The following SEMA3D variants were observed in gnomAD, a reference collection of about 807,000 sequenced individuals.
SEMA3D encodes the protein semaphorin-3D.
In SEMA3D, 84 loss-of-function variants were observed where a neutral mutation model predicts 100.1. The ratio of observed to expected loss-of-function variants is 0.84; its 90% CI spans 0.70 to 1.01. The LOEUF is 1.01. Among genes scored for constraint, SEMA3D ranks in the 50% least tolerant of loss-of-function variants. The probability of loss-of-function intolerance (pLI) is 0.00; values close to 1 mark genes in which losing one functional copy is unlikely to be tolerated. For missense variants in SEMA3D, 875 were observed against 934.1 expected (o/e 0.94, Z 0.82); for synonymous variants, 312 against 320.7 (o/e 0.97, Z 0.29).
intron 12 of SEMA3D, among the ~76,000 whole-genome samples, chr7:85,033,858 T>TACACACACAC (rs71082183): frequency 0.034 from 4,799 of 141,122 alleles, 200 homozygotes; most frequent in East Asian, 0.19. Flanking sequence ...ATCACACACA[T>TACACACACAC]ACACACACAC....
chr7:85,240,415 T>C, the SEMA3D span, among the ~76,000 whole-genome samples: 2 of 152,280 alleles, frequency 1.3e-5, no homozygotes, highest in East Asian at 1.9e-4. Flanking sequence ...ATTTTGTTGA[T>C]GATTTTTGCA....
intron 2 of SEMA3D, among the ~76,000 whole-genome samples, chr7:85,128,452 A>T (rs1172333365): frequency 1.3e-5 from 2 of 152,114 alleles, no homozygotes; most frequent in Non-Finnish European, 2.9e-5. Context: ...TACAGGCATC[A>T]GCCACTGCAC....
intron 3 of SEMA3D, among the ~76,000 whole-genome samples, chr7:85,102,869 T>G (rs867904861): frequency 2.6e-5 from 4 of 152,042 alleles, no homozygotes; most frequent in African/African-American, 9.7e-5. Context: ...ACCAATTCTA[T>G]GGGGTTTAGT....
At chr7:85,200,063 T>C in the SEMA3D span, among the ~76,000 whole-genome samples, 8 of 152,204 alleles carry the variant, frequency 5.3e-5, no homozygotes, top group Non-Finnish European at 1.2e-4. Context: ...TGGAACTGTA[T>C]GTCCATTAAA....
At chr7:85,227,503 C>T in the SEMA3D span, among the ~76,000 whole-genome samples, 1 of 152,096 alleles carries the variant, frequency 6.6e-6, no homozygotes, top group Non-Finnish European at 1.5e-5. Flanking sequence ...GTTGAATATG[C>T]CAGTACCTTA....
upstream of SEMA3D, among the ~76,000 whole-genome samples, chr7:85,187,336 T>C (rs534269655): frequency 8.1e-4 from 124 of 152,242 alleles, no homozygotes; most frequent in African/African-American, 2.9e-3. Context: ...CTCTATACCA[T>C]AAAACCTGTT....
At chr7:85,007,048 T>C in intron 17 of SEMA3D, 107 bp from the exon 18 acceptor site, 1 of 699,530 alleles carries the variant, frequency 1.4e-6, no homozygotes, top group Non-Finnish European at 2.2e-6. Context: ...TCATATACAT[T>C]ATTAAAGAGA....
At chr7:85,151,187 A>T (rs571034034) in intron 2 of SEMA3D, among the ~76,000 whole-genome samples, 57 of 152,102 alleles carry the variant, frequency 3.7e-4, no homozygotes, top group African/African-American at 1.3e-3. Flanking sequence ...TATGTAAAAA[A>T]AATTGCTGCA....
intron 11 of SEMA3D, among the ~76,000 whole-genome samples, chr7:85,040,392 A>G (rs546310942): frequency 6.6e-6 from 1 of 152,270 alleles, no homozygotes; most frequent in African/African-American, 2.4e-5. Flanking sequence ...TATATGCAAC[A>G]GTAGGCATTT....
upstream of SEMA3D, among the ~76,000 whole-genome samples, chr7:85,189,503 T>C (rs560336247): frequency 2.0e-5 from 3 of 152,302 alleles, no homozygotes; most frequent in Non-Finnish European, 4.4e-5. Context: ...AAAGTTTTGC[T>C]AAAATACAAG....
intron 2 of SEMA3D, chr7:85,142,261 C>G: frequency 1.0e-6 from 1 of 981,520 alleles, no homozygotes; most frequent in Non-Finnish European, 1.2e-6. Context: ...AATTTTTGAA[C>G]CAACAATATC....
At chr7:85,139,520 T>C (rs1364352672) in intron 2 of SEMA3D, among the ~76,000 whole-genome samples, 2 of 152,022 alleles carry the variant, frequency 1.3e-5, no homozygotes, top group Non-Finnish European at 2.9e-5. Context: ...ATTTCTGTCT[T>C]TTTCACAAAG....
rs185494351 is a variant in SEMA3D, at chr7:85,044,255, T to C, written c.862-1970A>G. On this transcript the variant is annotated intron_variant, in intron 9 of 18. Coordinates refer to ENST00000284136, the MANE Select transcript of SEMA3D (RefSeq NM_001384900.1). ...ATTTGAAATCTTATAAATACTATGC[T>C]TGAAGAAAGGGGGAAGGGGAGAAAG... Among the ~76,000 whole-genome samples, 289 of 152,004 alleles carry C rather than the reference T, an allele frequency of 1.9e-3. 2 individuals are homozygous for C. The highest frequency in any genetic ancestry group is 6.7e-3 in the African/African-American group (279 of 41,512).
At chr7:85,231,370 C>T in the SEMA3D span, among the ~76,000 whole-genome samples, 2 of 151,564 alleles carry the variant, frequency 1.3e-5, no homozygotes, top group South Asian at 4.2e-4. Flanking sequence ...TAGAAAGCAT[C>T]CAAGTGTTGA....
chr7:85,183,399 G>T (rs556289693), intron 1 of SEMA3D, among the ~76,000 whole-genome samples: 1 of 152,286 alleles, frequency 6.6e-6, no homozygotes, highest in East Asian at 1.9e-4. Context: ...AGAAAAATAT[G>T]TGAGAGTAAA....
At chr7:85,072,706 C>T (rs1263071505) in intron 6 of SEMA3D, among the ~76,000 whole-genome samples, 1 of 152,130 alleles carries the variant, frequency 6.6e-6, no homozygotes, top group Non-Finnish European at 1.5e-5. Flanking sequence ...CTATATCGTT[C>T]ATAAACTATT....
the SEMA3D span, among the ~76,000 whole-genome samples, chr7:85,219,578 T>C: frequency 2.4e-4 from 36 of 152,020 alleles, no homozygotes; most frequent in Non-Finnish European, 4.9e-4. Context: ...ATAACATCTA[T>C]TTTAAAATAA....
intron 3 of SEMA3D, among the ~76,000 whole-genome samples, chr7:85,113,030 G>A (rs1789134571): frequency 6.6e-6 from 1 of 151,998 alleles, no homozygotes; most frequent in Non-Finnish European, 1.5e-5. Flanking sequence ...TAACATTACA[G>A]ACACCAGTGA....
chr7:85,211,795 A>T, the SEMA3D span, among the ~76,000 whole-genome samples: 1 of 152,112 alleles, frequency 6.6e-6, no homozygotes, highest in Non-Finnish European at 1.5e-5. Flanking sequence ...GTGATGATCT[A>T]CTTCCAGTAA....
Sources: gnomAD v4.1 joint callset for allele counts (sites outside exome capture counted in the v4.1 genomes callset) on GRCh38, gnomAD v4.1.1 for gene constraint, MANE v1.5 for transcripts, NCBI Gene and HGNC (gene_info 2026-07-23, HGNC 2026-07-21) for gene names.